The following ZNF500 variants were observed in gnomAD, a reference collection of about 807,000 sequenced individuals.
ZNF500 encodes the protein zinc finger protein with KRAB and SCAN domains 18.
In ZNF500, 31 loss-of-function variants were observed where a neutral mutation model predicts 30.1. That is an observed-to-expected ratio of 1.03 (90% CI 0.77 to 1.39). The LOEUF (loss-of-function observed/expected upper bound fraction) is 1.39. Ranked by LOEUF, ZNF500 falls within the 40% of genes most tolerant of loss-of-function variation. ZNF500 has a pLI of 0.00. For synonymous variants in ZNF500, 392 were observed against 282.0 expected, an observed-to-expected ratio of 1.39 and a Z score of -3.91; for missense variants, 817 against 657.8, an observed-to-expected ratio of 1.24 and a Z score of -2.65.
chr16:4,744,730 G>A, downstream of ZNF500: 1 of 1,072,374 alleles, frequency 9.3e-7, no homozygotes, highest in Non-Finnish European at 1.3e-6. Context: ...GGCTGAGTAG[G>A]GAGAGGGCTG....
At chr16:4,754,301 G>C (rs1309505930) in intron 5 of ZNF500, among the ~76,000 whole-genome samples, 2 of 152,080 alleles carry the variant, frequency 1.3e-5, no homozygotes, top group Non-Finnish European at 2.9e-5. Context: ...CCCATCTCCA[G>C]GACCAACTTC....
At chr16:4,744,833 G>C, downstream of ZNF500, 1 of 1,594,794 alleles carries the variant, frequency 6.3e-7, no homozygotes. Context: ...AGTGGGCCAA[G>C]TCCCCACTAA....
At position 4,767,090 on chromosome 16, in the gene ZNF500, G is replaced by A. The variant is rs1016254048; in HGVS notation, c.-172C>T. ...GGTCTCGGCGGGAGTAGGACTGCGGGCCTCAGGCTTGGCAGCCAGGGACGC... is the reference window on the plus strand; with the variant it reads ...GGTCTCGGCGGGAGTAGGACTGCGGACCTCAGGCTTGGCAGCCAGGGACGC... On this transcript the variant is annotated 5_prime_UTR_variant, in exon 1 of 6. Transcript: ENST00000219478. The A allele has an allele frequency of 1.3e-5, 2 of 152,376 alleles. No individual in the cohort carries two copies. Among genetic ancestry groups the A allele is most frequent in the African/African-American group, 4.8e-5 (2 of 41,476 alleles). 9.4% of individuals were successfully genotyped at this position (152,376 alleles called of 1,614,324 possible).
In ZNF500 at chr16:4,764,509, C is replaced by A. The variant is rs184403775; in HGVS notation, c.414+1056G>T. On this transcript the variant is annotated intron_variant, in intron 2 of 5. Coordinates refer to ENST00000219478, the MANE Select transcript of ZNF500 (RefSeq NM_021646.4). ...AAAAGTAAAATAAATGGGCTAGGTG[C>A]GGTGGCTCACGCCTGTAATCCCAGC... Among the ~76,000 whole-genome samples, 348 of 151,182 alleles carry A rather than the reference C, an allele frequency of 2.3e-3. 8 individuals are homozygous for A. The highest frequency in any genetic ancestry group is 0.021 in the Admixed American group (312 of 15,196).
rs373207578 is a variant in ZNF500, at chr16:4,753,056, G to A, written c.763C>T (p.Pro255Ser). 3.3e-6 allele frequency: 5 copies of A among 1,511,936 alleles called. No homozygotes were observed. Among genetic ancestry groups the A allele is most frequent in the Non-Finnish European group, 3.5e-6 (4 of 1,136,676 alleles). The allele number at this position is 1,511,936 out of a possible 1,614,324, so 93.7% of individuals were successfully genotyped here. ...QRDAPLENEG[P>S]GIQLEDGGDG... ...CCGCCGTCCTCCAACTGGATCCCAG[G>A]TCCTGAGACAGAGAAAGCACGATCT... Residue 255 changes from proline (P) to serine (S), a missense_variant and splice_region_variant, in exon 6 of 6, where the codon CCT becomes TCT. Transcript: ENST00000219478.
At position 4,765,939 on chromosome 16, in the gene ZNF500, C is replaced by T; in HGVS notation, c.40G>A (p.Glu14Lys). The T allele has an allele frequency of 6.3e-7, 1 of 1,595,744 alleles. No individual in the cohort carries two copies. Among genetic ancestry groups the T allele is most frequent in the Non-Finnish European group, 8.5e-7 (1 of 1,171,982 alleles). Residue 14 changes from glutamate to lysine, a missense_variant, in exon 2 of 6, where the codon GAG becomes AAG. Physicochemically the swap from Glu to Lys is moderately conservative, Grantham distance 56 (BLOSUM62 1). Coordinates refer to ENST00000219478, the MANE Select transcript of ZNF500 (RefSeq NM_021646.4). ...ATCTCTTCCTGTTCCAGGTCCTGCT[C>T]CAAGGTTGGCAGGGGCTGGAGGCCA... is the stretch of plus-strand genomic sequence containing the variant. ...VPGLQPLPTL[E>K]QDLEQEEILI... is the part of the protein sequence containing the mutation.
At chr16:4,762,152 G>T in intron 4 of ZNF500, 119 bp downstream of exon 4, 2 of 1,157,690 alleles carry the variant, frequency 1.7e-6, no homozygotes, top group South Asian at 1.3e-5. Context: ...CCAGGGAAGA[G>T]CTCCTCTGAC....
Position 4,748,921 on chromosome 16 carries a change from G to C in ZNF500, c.*3455C>G, listed in dbSNP as rs2082051803. 1 of 152,282 alleles carries C rather than the reference G, an allele frequency of 6.6e-6. No homozygotes were observed. The allele number at this position is 152,282 out of a possible 1,614,324, so 9.4% of individuals were successfully genotyped here. On this transcript the variant is annotated 3_prime_UTR_variant, in exon 6 of 6. Coordinates refer to ENST00000219478, the MANE Select transcript of ZNF500 (RefSeq NM_021646.4). ...CTCTTCTCATCAAGCCTTGTACCAGGCAAAAGACAGGCCCTGCTTGGCCGT... is the reference window on the plus strand; with the variant it reads ...CTCTTCTCATCAAGCCTTGTACCAGCCAAAAGACAGGCCCTGCTTGGCCGT...
chr16:4,746,432 C>T (rs755483856), downstream of ZNF500: 75 of 1,613,380 alleles, frequency 4.6e-5, no homozygotes, highest in Non-Finnish European at 6.1e-5. Flanking sequence ...TGGCCCAGGG[C>T]ATGAGGCTTA....
Position 4,762,294 on chromosome 16 carries a change from G to A in ZNF500, c.640C>T (p.Pro214Ser), listed in dbSNP as rs1172764952. Residue 214 changes from proline to serine, a missense_variant, in exon 4 of 6, where the codon CCC (proline) becomes TCC (serine). By Grantham distance (74) the Pro-to-Ser change is moderately conservative (BLOSUM62 -1). Transcript: ENST00000219478. ...ACCTGGGACCAGGCCGAAAGGAAGG[G>A]CGAGGCTGACGCCATCTCCTGATGC... Reference protein sequence around the residue: ...PRHQEMASASPFLSAWSQVPV... With the variant: ...PRHQEMASASSFLSAWSQVPV... The A allele has an allele frequency of 6.2e-6, 10 of 1,611,632 alleles. No individual in the cohort carries two copies. The highest frequency in any genetic ancestry group is 1.1e-5 in the South Asian group (1 of 90,548).
chr16:4,745,944 C>A (rs1471102907), downstream of ZNF500, among the ~76,000 whole-genome samples: 2 of 128,360 alleles, frequency 1.6e-5, no homozygotes, highest in Non-Finnish European at 3.3e-5. Flanking sequence ...CAGAGCAAGA[C>A]TCTGTCTCAA....
In ZNF500 at chr16:4,752,565, G is replaced by T; in HGVS notation, c.1254C>A (p.Phe418Leu). Residue 418 changes from phenylalanine to leucine, a missense_variant, in exon 6 of 6, where the codon TTC (phenylalanine) becomes TTA (leucine). Phe to Leu is a conservative substitution (Grantham distance 22). Coordinates refer to ENST00000219478, the MANE Select transcript of ZNF500 (RefSeq NM_021646.4). ...PYACTQCGKR[F>L]NNSSHFSAHR... Reference sequence around the variant, plus strand: ...GGGCGCTGAAGTGCGAGCTGTTGTTGAAGCGCTTCCCGCACTGGGTGCAGG... The same window carrying T: ...GGGCGCTGAAGTGCGAGCTGTTGTTTAAGCGCTTCCCGCACTGGGTGCAGG... The T allele has an allele frequency of 6.3e-7, 1 of 1,576,244 alleles. No individual in the cohort carries two copies.
chr16:4,763,036 G>C, intron 2 of ZNF500: 1 of 985,410 alleles, frequency 1.0e-6, no homozygotes, highest in Non-Finnish European at 1.2e-6. Context: ...TAGACCCTGG[G>C]CCAGAAGAGC....
At chr16:4,747,147 A>AG, downstream of ZNF500, 1 of 1,208,626 alleles carries the variant, frequency 8.3e-7, no homozygotes, top group Non-Finnish European at 1.2e-6. Context: ...GCACAGGGTG[A>AG]GGGGGACGGC....
chr16:4,747,633 A>G (rs777500019), downstream of ZNF500: 3 of 1,596,210 alleles, frequency 1.9e-6, no homozygotes, highest in South Asian at 2.2e-5. Context: ...TAGCTGCCTC[A>G]GGTAGTGGGA....
chr16:4,762,385 C>A, intron 3 of ZNF500, 50 bp from the exon 4 acceptor site: 1 of 1,547,086 alleles, frequency 6.5e-7, no homozygotes, highest in South Asian at 1.2e-5. Flanking sequence ...CCAGTACTGC[C>A]CCTGCCGTCC....
chr16:4,753,211 A>T (rs2082103873), intron 5 of ZNF500, 153 bp from the exon 6 acceptor site: 1 of 1,371,972 alleles, frequency 7.3e-7, no homozygotes, highest in Non-Finnish European at 9.4e-7. Context: ...CTATAATCCC[A>T]GCACTTTGGA....
chr16:4,766,944 A>T (rs966060418), intron 1 of ZNF500, 73 bp downstream of exon 1: 2 of 152,156 alleles, frequency 1.3e-5, no homozygotes, highest in Admixed American at 1.3e-4. Flanking sequence ...CGCGGCACAG[A>T]CCCGGGTGCT....
chr16:4,764,959 T>A (rs72771905), intron 2 of ZNF500, among the ~76,000 whole-genome samples: 20,741 of 151,824 alleles, frequency 0.14, 1,919 homozygotes, highest in Middle Eastern at 0.2. Context: ...ACTTTGGGGG[T>A]AGTTTCAACT....
Sources: allele counts gnomAD v4.1 joint callset (sites outside exome capture counted in the v4.1 genomes callset), GRCh38; gene constraint gnomAD v4.1.1; transcripts MANE v1.5; gene names NCBI Gene and HGNC (gene_info 2026-07-23, HGNC 2026-07-21).